The following NHSL3 variants were observed in gnomAD, a reference collection of about 807,000 sequenced individuals.
NHSL3 encodes NHS like 3, also known as NHS-like protein 3.
chr1:32,753,710 C>G, the NHSL3 span, among the ~76,000 whole-genome samples: 1 of 152,224 alleles, frequency 6.6e-6, no homozygotes, highest in Non-Finnish European at 1.5e-5. Flanking sequence ...CTAGCGGCAG[C>G]AGGGCTGCGG....
At chr1:32,772,717 T>C in the NHSL3 span, 1 of 856,794 alleles carries the variant, frequency 1.2e-6, no homozygotes, top group Non-Finnish European at 1.9e-6. Context: ...TGTCTGAACA[T>C]GTGTAGGGTG....
the NHSL3 span, among the ~76,000 whole-genome samples, chr1:32,765,352 G>A: frequency 6.8e-6 from 1 of 148,050 alleles, no homozygotes; most frequent in African/African-American, 2.4e-5. Context: ...TTGCAGGTGG[G>A]CACCCTGCCA....
At chr1:32,770,949 T>TTCCC in the NHSL3 span, 17 of 1,563,048 alleles carry the variant, frequency 1.1e-5, no homozygotes, top group African/African-American at 2.7e-5. This position sits in a 1 kb window ranked among gnomAD's most constrained non-coding sequence, Gnocchi z 8.3. Flanking sequence ...AAAGTGGTAC[T>TTCCC]CCCACCCTCC....
the NHSL3 span, among the ~76,000 whole-genome samples, chr1:32,745,099 C>A: frequency 6.7e-6 from 1 of 149,202 alleles, no homozygotes; most frequent in African/African-American, 2.5e-5. Flanking sequence ...GCACTCCAGC[C>A]TGGGCAACAG....
chr1:32,751,093 G>C, the NHSL3 span, among the ~76,000 whole-genome samples: 4 of 152,222 alleles, frequency 2.6e-5, no homozygotes, highest in Non-Finnish European at 2.9e-5. Context: ...TTACAGGCAT[G>C]AGCCACCGTG....
the NHSL3 span, chr1:32,773,980 A>C: frequency 6.6e-6 from 1 of 152,598 alleles, no homozygotes; most frequent in Admixed American, 6.5e-5. Context: ...ATTTTACTCA[A>C]GTCTTCTCTA....
chr1:32,747,176 G>T, the NHSL3 span, among the ~76,000 whole-genome samples: 4 of 147,470 alleles, frequency 2.7e-5, no homozygotes, highest in Non-Finnish European at 4.5e-5. Flanking sequence ...GACAAAGATG[G>T]TTTTTTTTTT....
At chr1:32,770,442 C>G in the NHSL3 span, 3,954 of 1,607,412 alleles carry the variant, frequency 2.5e-3, 83 homozygotes, top group African/African-American at 0.045. This position sits in a 1 kb window ranked among gnomAD's most constrained non-coding sequence, Gnocchi z 8.3. Context: ...ACTCTCAATC[C>G]TCCGACACCA....
chr1:32,769,735 G>T, the NHSL3 span: 1 of 1,613,960 alleles, frequency 6.2e-7, no homozygotes, highest in Non-Finnish European at 8.5e-7. Flanking sequence ...GCGTCGGCGG[G>T]AGCGGCGGAG....
chr1:32,772,739 G>C, the NHSL3 span: 8 of 974,250 alleles, frequency 8.2e-6, no homozygotes, highest in Non-Finnish European at 1.3e-5. Context: ...CCAGCCCAGT[G>C]CTGCGGGCAC....
At chr1:32,774,856 ATT>A in the NHSL3 span, 1 of 152,522 alleles carries the variant, frequency 6.6e-6, no homozygotes, top group African/African-American at 2.4e-5. Flanking sequence ...ATTTCTTTAA[ATT>A]TTTGAGTCTT....
the NHSL3 span, among the ~76,000 whole-genome samples, chr1:32,748,832 T>C: frequency 1.3e-5 from 2 of 152,270 alleles, no homozygotes; most frequent in African/African-American, 4.8e-5. Flanking sequence ...TGTGACATTT[T>C]GGCTTCCCAG....
the NHSL3 span, among the ~76,000 whole-genome samples, chr1:32,757,500 G>A: frequency 1.3e-5 from 2 of 152,110 alleles, no homozygotes; most frequent in East Asian, 3.8e-4. Context: ...CGGAGGAAGT[G>A]GCTGAATTGA....
chr1:32,761,954 C>T, the NHSL3 span, among the ~76,000 whole-genome samples: 1 of 152,106 alleles, frequency 6.6e-6, no homozygotes, highest in South Asian at 2.1e-4. Flanking sequence ...GTGCACAGAA[C>T]GTGGCTTTTG....
At chr1:32,769,233 G>A in the NHSL3 span, among the ~76,000 whole-genome samples, 1 of 151,558 alleles carries the variant, frequency 6.6e-6, no homozygotes, top group African/African-American at 2.4e-5. Flanking sequence ...CAGCCTGGTC[G>A]ACAGTGTGAG....
chr1:32,755,875 G>C, the NHSL3 span, among the ~76,000 whole-genome samples: 12 of 152,166 alleles, frequency 7.9e-5, no homozygotes, highest in East Asian at 1.9e-4. Flanking sequence ...CTGCACTAAG[G>C]GGGCAGGGCT....
the NHSL3 span, chr1:32,771,633 G>C: frequency 1.2e-6 from 2 of 1,612,802 alleles, no homozygotes; most frequent in Admixed American, 1.7e-5. Flanking sequence ...CGGCTGCTTC[G>C]TCCTCCTCAG....
the NHSL3 span, among the ~76,000 whole-genome samples, chr1:32,747,176 G>GT: frequency 2.4e-3 from 360 of 147,504 alleles, 2 homozygotes; most frequent in African/African-American, 7.8e-3. Context: ...GACAAAGATG[G>GT]TTTTTTTTTT....
the NHSL3 span, among the ~76,000 whole-genome samples, chr1:32,754,456 C>A: frequency 2.0e-5 from 3 of 150,150 alleles, no homozygotes; most frequent in Non-Finnish European, 4.5e-5. Flanking sequence ...CACCATCACA[C>A]CCACACTCTC....
Sources: gnomAD v4.1 joint callset for allele counts (sites outside exome capture counted in the v4.1 genomes callset) on GRCh38, gnomAD v4.1.1 for gene constraint, Gnocchi (gnomAD v3.1) non-coding constraint, MANE v1.5 for transcripts, NCBI Gene and HGNC (gene_info 2026-07-23, HGNC 2026-07-21) for gene names.